The following POTEE variants were observed in gnomAD, a reference collection of about 807,000 sequenced individuals.
POTEE encodes ANKRD26-like family C member 1A.
A neutral mutation model predicts 74.2 loss-of-function variants in POTEE; 21 were observed. That is an observed-to-expected ratio of 0.28 (90% CI 0.20 to 0.41). The LOEUF is 0.41. POTEE is among the 10% of genes least tolerant of loss of function. POTEE has a pLI of 1.00. For synonymous variants in POTEE, 211 were observed against 432.8 expected, an observed-to-expected ratio of 0.49 and a Z score of 6.36; for missense variants, 525 against 1,158.6, an observed-to-expected ratio of 0.45 and a Z score of 7.94.
intron 8 of POTEE, among the ~76,000 whole-genome samples, chr2:131,230,477 T>TTTGTTGA (rs1177274934): frequency 6.6e-6 from 1 of 152,174 alleles, no homozygotes; most frequent in East Asian, 1.9e-4. Context: ...AAGTCCTCAC[T>TTTGTTGA]TTGTTGAAGA....
intron 10 of POTEE, 148 bp from the exon 11 acceptor site, chr2:131,238,046 G>A: frequency 2.2e-6 from 1 of 448,082 alleles, no homozygotes; most frequent in Non-Finnish European, 3.7e-6. Flanking sequence ...TTATTTAACA[G>A]TTAAATTTTA....
chr2:131,229,992 G>A (rs1700899203), intron 8 of POTEE, among the ~76,000 whole-genome samples: 1 of 152,106 alleles, frequency 6.6e-6, no homozygotes, highest in Non-Finnish European at 1.5e-5. Flanking sequence ...ATGTCAGCTG[G>A]AATTGAACAT....
chr2:131,214,169 A>G (rs1180854399), intron 2 of POTEE, among the ~76,000 whole-genome samples: 3 of 152,342 alleles, frequency 2.0e-5, no homozygotes, highest in African/African-American at 7.2e-5. Context: ...TGTTTTCCTC[A>G]TGGAACCCCA....
intron 8 of POTEE, among the ~76,000 whole-genome samples, chr2:131,230,625 A>G (rs968998646): frequency 4.6e-5 from 7 of 152,128 alleles, no homozygotes; most frequent in Non-Finnish European, 7.4e-5. Flanking sequence ...AGTGCCCTCG[A>G]TTTATGACTA....
intron 17 of POTEE, among the ~76,000 whole-genome samples, chr2:131,262,772 C>G (rs1701750104): frequency 6.6e-6 from 1 of 152,252 alleles, no homozygotes; most frequent in Admixed American, 6.5e-5. Flanking sequence ...GGGTACAGTG[C>G]TTAGATTTGA....
At chr2:131,256,990 C>A (rs1230266338) in intron 16 of POTEE, among the ~76,000 whole-genome samples, 1 of 151,392 alleles carries the variant, frequency 6.6e-6, no homozygotes, top group Non-Finnish European at 1.5e-5. Flanking sequence ...TTGACATCAA[C>A]TCTGTTAACA....
intron 10 of POTEE, among the ~76,000 whole-genome samples, chr2:131,237,698 T>C (rs1398248692): frequency 2.0e-5 from 3 of 152,052 alleles, no homozygotes; most frequent in African/African-American, 7.3e-5. Context: ...CGGCTCCTAA[T>C]AATTTAAATG....
chr2:131,226,704 A>G (rs1700789468), intron 6 of POTEE, 119 bp from the exon 7 acceptor site: 20 of 1,499,502 alleles, frequency 1.3e-5, no homozygotes, highest in Non-Finnish European at 1.7e-5. Flanking sequence ...GGAAGCGAGT[A>G]CATTTTATTT....
At chr2:131,223,564 C>G in intron 4 of POTEE, 32 bp from the exon 5 acceptor site, 1 of 1,611,502 alleles carries the variant, frequency 6.2e-7, no homozygotes, top group Non-Finnish European at 8.5e-7. Flanking sequence ...TAGTGCACTA[C>G]AATTTCCTAA....
chr2:131,256,806 GA>G (rs1161486458), intron 16 of POTEE, among the ~76,000 whole-genome samples: 11 of 149,448 alleles, frequency 7.4e-5, no homozygotes, highest in East Asian at 4.0e-4. Context: ...TGAAGAAAAT[GA>G]AAAAAAAGAG....
rs1701113985 is a variant in POTEE at position 131,235,810 on chromosome 2, A to AAG, written c.1127-921_1127-920insGA. Among the ~76,000 whole-genome samples, 20 of 151,130 alleles carry AAG rather than the reference A, an allele frequency of 1.3e-4. 1 individual carries two copies. The South Asian group carries it at 3.3e-3, about 25-fold the overall frequency. On this transcript the variant is annotated intron_variant, in intron 9 of 17. Transcript: ENST00000683005. Reference sequence around the variant, plus strand: ...CCTGGCTCAAAAAAAAAAAAAAAAAAAAAGAAAGAAAAAAGAAAATAAATG... The same window carrying AAG: ...CCTGGCTCAAAAAAAAAAAAAAAAAAAGAAAGAAAGAAAAAAGAAAATAAATG...
chr2:131,221,225 A>G (rs1700606152), intron 4 of POTEE, among the ~76,000 whole-genome samples: 1 of 152,058 alleles, frequency 6.6e-6, no homozygotes, highest in Admixed American at 6.6e-5. Flanking sequence ...AGAAGAACCC[A>G]TATAAAGATT....
intron 3 of POTEE, chr2:131,217,999 T>G (rs1433501821): frequency 3.5e-6 from 1 of 282,738 alleles, no homozygotes; most frequent in African/African-American, 2.3e-5. Flanking sequence ...GTTCTTGGCT[T>G]GGCTTGGCGT....
intron 2 of POTEE, among the ~76,000 whole-genome samples, chr2:131,216,819 G>T (rs1408236273): frequency 7.9e-5 from 12 of 151,494 alleles, no homozygotes; most frequent in Non-Finnish European, 1.2e-4. Flanking sequence ...ATATTATTAT[G>T]ATTCCACTTA....
intron 9 of POTEE, among the ~76,000 whole-genome samples, chr2:131,235,445 TTA>T (rs1186202207): frequency 5.3e-5 from 8 of 151,910 alleles, no homozygotes; most frequent in Non-Finnish European, 1.2e-4. Context: ...AGGTACCTGT[TTA>T]TCTGGGGAAA....
rs560065719 is a variant in POTEE at position 131,213,494 on chromosome 2, A to G, written c.-189+2311A>G. Reference sequence around the variant, plus strand: ...TTTTAAGGTTATGAGCATGTAATATACCATTGATACATGGAAGAATATGTA... The same window carrying G: ...TTTTAAGGTTATGAGCATGTAATATGCCATTGATACATGGAAGAATATGTA... On this transcript the variant is annotated intron_variant, in intron 2 of 17. Coordinates refer to ENST00000683005, the MANE Select transcript of POTEE (RefSeq NM_001083538.3). Among the ~76,000 whole-genome samples the G allele has an allele frequency of 3.7e-4, 56 of 152,300 alleles. 1 individual carries two copies. The highest frequency in any genetic ancestry group is 5.2e-4 in the Admixed American group (8 of 15,302).
intron 12 of POTEE, among the ~76,000 whole-genome samples, chr2:131,239,861 G>T (rs1701230323): frequency 6.6e-6 from 1 of 152,210 alleles, no homozygotes; most frequent in Non-Finnish European, 1.5e-5. Context: ...CCTGGTGCCT[G>T]TTATTCTCCT....
At chr2:131,233,969 G>T in intron 9 of POTEE, among the ~76,000 whole-genome samples, 1 of 151,398 alleles carries the variant, frequency 6.6e-6, no homozygotes, top group Middle Eastern at 3.4e-3. Context: ...ACGTTTAATG[G>T]AAAATTCATG....
chr2:131,230,595 T>C (rs563795062), intron 8 of POTEE, among the ~76,000 whole-genome samples: 2 of 152,178 alleles, frequency 1.3e-5, no homozygotes, highest in African/African-American at 2.4e-5. Context: ...ATGCTAATGC[T>C]AGCTAATTTA....
Sources: gnomAD v4.1 joint callset for allele counts (sites outside exome capture counted in the v4.1 genomes callset) on GRCh38, gnomAD v4.1.1 for gene constraint, MANE v1.5 for transcripts, NCBI Gene and HGNC (gene_info 2026-07-23, HGNC 2026-07-21) for gene names.